Variants in ROBO2 observed in about 807,000 individuals in gnomAD.
ROBO2 encodes the protein roundabout guidance receptor 2.
A neutral mutation model predicts 160.8 loss-of-function variants in ROBO2; 53 were observed. The observed-to-expected ratio is 0.33, with a 90% CI of 0.26 to 0.41. ROBO2 has a LOEUF of 0.41. Ranked by LOEUF, ROBO2 falls within the 10% of genes least tolerant of loss-of-function variation. ROBO2 has a pLI of 1.00. For missense variants in ROBO2, 1,577 were observed against 1,722.4 expected, an observed-to-expected ratio of 0.92 and a Z score of 1.49; for synonymous variants, 664 against 611.7, an observed-to-expected ratio of 1.09 and a Z score of -1.26.
At chr3:76,207,252 A>G (rs72630376) in intron 2 of ROBO2, among the ~76,000 whole-genome samples, 7,160 of 152,230 alleles carry the variant, frequency 0.047, 359 homozygotes, top group East Asian at 0.22. Context: ...AATTTTAAAT[A>G]AATACTGTTT....
intron 2 of ROBO2, among the ~76,000 whole-genome samples, chr3:76,578,060 T>G (rs1160937208): frequency 6.6e-6 from 1 of 152,010 alleles, no homozygotes; most frequent in Non-Finnish European, 1.5e-5. Flanking sequence ...AAGAAAAGAG[T>G]CAGGTTGTTT....
intron 1 of ROBO2, among the ~76,000 whole-genome samples, chr3:77,078,515 C>A (rs185571832): frequency 2.4e-3 from 361 of 152,270 alleles, no homozygotes; most frequent in African/African-American, 7.9e-3. Context: ...AGTGGCCCTG[C>A]CATACTGTCT....
intron 2 of ROBO2, among the ~76,000 whole-genome samples, chr3:76,110,818 G>A (rs2070194334): frequency 6.6e-6 from 1 of 152,078 alleles, no homozygotes; most frequent in South Asian, 2.1e-4. Flanking sequence ...TTGTAAAACT[G>A]AAATCTTTGT....
chr3:77,271,327 A>AAAGGGACTAGTGAAGG (rs1219920364), intron 2 of ROBO2, among the ~76,000 whole-genome samples: 1 of 152,222 alleles, frequency 6.6e-6, no homozygotes, highest in Non-Finnish European at 1.5e-5. Flanking sequence ...CTCCAGAAAC[A>AAAGGGACTAGTGAAGG]GACGGAAAGG....
chr3:76,272,893 A>ATATATAAAAT (rs544962221), intron 2 of ROBO2, among the ~76,000 whole-genome samples: 51 of 37,124 alleles, frequency 1.4e-3, no homozygotes, highest in Middle Eastern at 0.083. Flanking sequence ...TATATATAAA[A>ATATATAAAAT]ATATAATATA....
intron 2 of ROBO2, among the ~76,000 whole-genome samples, chr3:76,237,986 T>C (rs1031132129): frequency 1.3e-5 from 2 of 152,186 alleles, no homozygotes; most frequent in Admixed American, 1.3e-4. Context: ...ACTTGGGGTC[T>C]GATTTCTTTT....
chr3:76,662,926 A>G (rs28664186), intron 2 of ROBO2, among the ~76,000 whole-genome samples: 1,719 of 152,296 alleles, frequency 0.011, 32 homozygotes, highest in African/African-American at 0.039. Flanking sequence ...CCACAGATGA[A>G]CAGGGAAATG....
intron 2 of ROBO2, among the ~76,000 whole-genome samples, chr3:76,192,436 A>C (rs1702052868): frequency 6.6e-6 from 1 of 151,210 alleles, no homozygotes; most frequent in Admixed American, 6.6e-5. Context: ...CTTTCCTAGC[A>C]CTTTTCTCCT....
intron 2 of ROBO2, among the ~76,000 whole-genome samples, chr3:76,450,713 A>T (rs553705556): frequency 1.1e-3 from 164 of 152,306 alleles, no homozygotes; most frequent in Admixed American, 2.5e-3. Context: ...ATGTTGAGTT[A>T]TTCTGTTAAT....
intron 2 of ROBO2, among the ~76,000 whole-genome samples, chr3:77,339,350 C>T (rs9865900): frequency 0.26 from 40,060 of 151,858 alleles, 6,696 homozygotes; most frequent in Non-Finnish European, 0.37. Context: ...CCAAACTGGT[C>T]AGGTGATAAA....
At chr3:76,540,783 TTTAA>T (rs1160002574) in intron 2 of ROBO2, among the ~76,000 whole-genome samples, 8 of 152,070 alleles carry the variant, frequency 5.3e-5, no homozygotes, top group Admixed American at 1.3e-4. Flanking sequence ...TGACTTTTGA[TTTAA>T]TTATTTTTAT....
chr3:76,035,414 C>T (rs1296671956), intron 2 of ROBO2, among the ~76,000 whole-genome samples: 12 of 132,882 alleles, frequency 9.0e-5, no homozygotes, highest in Non-Finnish European at 1.5e-4. Context: ...ATGTATGATT[C>T]TCTGTTTGTT....
chr3:77,385,375 A>G (rs2073992563), intron 2 of ROBO2, among the ~76,000 whole-genome samples: 1 of 152,204 alleles, frequency 6.6e-6, no homozygotes, highest in Admixed American at 6.5e-5. Context: ...ATTAGAGAAT[A>G]ATGTGAGTAA....
intron 2 of ROBO2, among the ~76,000 whole-genome samples, chr3:76,622,998 T>C (rs577230315): frequency 6.6e-6 from 1 of 152,312 alleles, no homozygotes; most frequent in African/African-American, 2.4e-5. Flanking sequence ...TTACCCTTTC[T>C]CTCTCACTCC....
intron 2 of ROBO2, among the ~76,000 whole-genome samples, chr3:75,993,103 A>G (rs1334727727): frequency 1.3e-5 from 2 of 152,156 alleles, no homozygotes; most frequent in Non-Finnish European, 2.9e-5. Context: ...TGCTGAAATG[A>G]CTTAAGACTT....
At chr3:77,111,950 G>A (rs979042403) in intron 2 of ROBO2, among the ~76,000 whole-genome samples, 2 of 152,100 alleles carry the variant, frequency 1.3e-5, no homozygotes, top group Non-Finnish European at 2.9e-5. Flanking sequence ...GGTGGCTCAC[G>A]CCTGTAGTCT....
intron 2 of ROBO2, among the ~76,000 whole-genome samples, chr3:76,725,682 C>T (rs912349537): frequency 4.6e-5 from 7 of 152,106 alleles, no homozygotes; most frequent in African/African-American, 1.4e-4. Context: ...ATATTTTGGC[C>T]TTTGGAGCAG....
intron 2 of ROBO2, among the ~76,000 whole-genome samples, chr3:76,648,842 A>G (rs1447627470): frequency 6.6e-6 from 1 of 152,132 alleles, no homozygotes; most frequent in East Asian, 1.9e-4. Context: ...AATAATTCTC[A>G]TAATTTGTTT....
intron 2 of ROBO2, among the ~76,000 whole-genome samples, chr3:77,181,933 T>A (rs2080829718): frequency 6.6e-6 from 1 of 152,042 alleles, no homozygotes; most frequent in South Asian, 2.1e-4. Flanking sequence ...GTACAATGAT[T>A]GATTGTAGTT....
Sources: allele counts gnomAD v4.1 joint callset (sites outside exome capture counted in the v4.1 genomes callset), GRCh38; gene constraint gnomAD v4.1.1; transcripts MANE v1.5; gene names NCBI Gene and HGNC (gene_info 2026-07-23, HGNC 2026-07-21).